The following MID1 variants were observed in gnomAD, a reference collection of about 807,000 sequenced individuals.
MID1 encodes E3 ubiquitin-protein ligase Midline-1.
MID1 carries 7 observed loss-of-function variants against 40.4 expected under a neutral mutation model. The observed-to-expected ratio is 0.17, with a 90% CI of 0.10 to 0.33. MID1 has a LOEUF of 0.33. Ranked by LOEUF, MID1 falls within the 10% of genes least tolerant of loss-of-function variation. The pLI, the probability that MID1 is intolerant of heterozygous loss-of-function variation, is 1.00. For synonymous variants in MID1, 229 were observed against 221.2 expected, an observed-to-expected ratio of 1.04 and a Z score of -0.31; for missense variants, 367 against 558.5, an observed-to-expected ratio of 0.66 and a Z score of 3.46.
intron 1 of MID1, among the ~76,000 whole-genome samples, chrX:10,696,208 C>T (rs769769213): frequency 5.4e-5 from 6 of 111,394 alleles, no homozygotes; most frequent in Non-Finnish European, 9.4e-5. Flanking sequence ...ATATGACCTT[C>T]GTCTAGGATC....
At chrX:10,536,177 A>G (rs1387826753) in intron 2 of MID1, among the ~76,000 whole-genome samples, 1 of 112,297 alleles carries the variant, frequency 8.9e-6, no homozygotes, top group Non-Finnish European at 1.9e-5. Flanking sequence ...GTGAGCCATG[A>G]TCGTGCCACT....
chrX:10,525,839 T>C (rs1932819865), intron 2 of MID1, among the ~76,000 whole-genome samples: 1 of 111,840 alleles, frequency 8.9e-6, no homozygotes, highest in Non-Finnish European at 1.9e-5. Flanking sequence ...TACAAGGCTC[T>C]TGCCACATGT....
chrX:10,572,129 T>G (rs199535263), intron 1 of MID1, among the ~76,000 whole-genome samples: 6 of 90,885 alleles, frequency 6.6e-5, no homozygotes, highest in Non-Finnish European at 4.4e-5. Context: ...CTCTCTCTCT[T>G]TCTCTCTCCC....
chrX:10,550,088 G>C (rs1933848983), intron 2 of MID1, among the ~76,000 whole-genome samples: 1 of 112,399 alleles, frequency 8.9e-6, no homozygotes, highest in Non-Finnish European at 1.9e-5. Context: ...CAGATTTAAT[G>C]AGTTAACTTT....
chrX:10,538,982 A>G (rs552325274), intron 2 of MID1, among the ~76,000 whole-genome samples: 2 of 112,381 alleles, frequency 1.8e-5, no homozygotes, highest in African/African-American at 6.5e-5. Context: ...GCCATAGTTC[A>G]CTGTATTATA....
At chrX:10,817,712 T>C (rs2044149511) in intron 1 of MID1, among the ~76,000 whole-genome samples, 1 of 105,832 alleles carries the variant, frequency 9.4e-6, no homozygotes, top group African/African-American at 3.5e-5. Flanking sequence ...CTCTGCCTCC[T>C]GGGTTAACGT....
intron 1 of MID1, among the ~76,000 whole-genome samples, chrX:10,766,428 C>T (rs1050731715): frequency 8.1e-5 from 9 of 111,605 alleles, no homozygotes; most frequent in African/African-American, 2.3e-4. Flanking sequence ...TCCAAGGATC[C>T]GGCTGATGTG....
intron 1 of MID1, among the ~76,000 whole-genome samples, chrX:10,683,936 C>T (rs1262374622): frequency 9.3e-6 from 1 of 107,333 alleles, no homozygotes; most frequent in African/African-American, 3.4e-5. Flanking sequence ...CATCTGGCTA[C>T]TTTTTCTATT....
chrX:10,514,771 C>T (rs1405817058), intron 3 of MID1, among the ~76,000 whole-genome samples: 5 of 111,709 alleles, frequency 4.5e-5, no homozygotes, highest in African/African-American at 1.6e-4. Flanking sequence ...TATAGTGGCT[C>T]GTCATAATCC....
At chrX:10,680,160 T>A (rs1023966043) in intron 1 of MID1, among the ~76,000 whole-genome samples, 1 of 112,249 alleles carries the variant, frequency 8.9e-6, no homozygotes, top group African/African-American at 3.2e-5. Flanking sequence ...CTGACAACAC[T>A]GATTCAGAGT....
chrX:10,721,079 A>G (rs1362038918), intron 1 of MID1, among the ~76,000 whole-genome samples: 1 of 109,654 alleles, frequency 9.1e-6, no homozygotes, highest in African/African-American at 3.3e-5. Flanking sequence ...GGATAGCATT[A>G]GGAGATATAC....
In MID1 at chrX:10,807,312, T is replaced by C. The variant is rs182975058; in HGVS notation, c.-187+26242A>G. On this transcript the variant is annotated intron_variant, in intron 1 of 10. Coordinates refer to the MID1 transcript ENST00000380785. ...TGACAAATAGCATATTGGTTTTCTGTTGCTGCACAACAAATTACAACAAAT... is the reference window on the plus strand; with the variant it reads ...TGACAAATAGCATATTGGTTTTCTGCTGCTGCACAACAAATTACAACAAAT... Among the ~76,000 whole-genome samples the C allele has an allele frequency of 2.4e-4, 27 of 112,224 alleles. No homozygotes were observed. The East Asian group carries it at 6.7e-3, about 28-fold the overall frequency.
chrX:10,778,779 T>A (rs1327662263), intron 1 of MID1, among the ~76,000 whole-genome samples: 1 of 113,285 alleles, frequency 8.8e-6, no homozygotes, highest in African/African-American at 3.2e-5. Flanking sequence ...AAACAGATTC[T>A]CCCCTAGAGC....
intron 1 of MID1, among the ~76,000 whole-genome samples, chrX:10,809,485 T>G (rs755661825): frequency 9.0e-6 from 1 of 111,644 alleles, no homozygotes; most frequent in Non-Finnish European, 1.9e-5. Context: ...ACACATATGT[T>G]TATTGCGGCA....
intron 1 of MID1, among the ~76,000 whole-genome samples, chrX:10,626,380 G>A (rs1432641806): frequency 2.8e-5 from 3 of 108,537 alleles, no homozygotes; most frequent in Admixed American, 9.9e-5. Flanking sequence ...CCAGGCTGGA[G>A]TGCAGTGGCT....
At chrX:10,667,781 C>T (rs971024023) in intron 1 of MID1, among the ~76,000 whole-genome samples, 5 of 111,315 alleles carry the variant, frequency 4.5e-5, no homozygotes, top group Admixed American at 3.8e-4. Context: ...TTAGTTGTAT[C>T]ACCCAAAGAA....
At chrX:10,496,365 T>C (rs950746763) in intron 3 of MID1, among the ~76,000 whole-genome samples, 1 of 112,269 alleles carries the variant, frequency 8.9e-6, no homozygotes, top group Admixed American at 9.4e-5. Flanking sequence ...TAGAGTGGCT[T>C]GTATTTGAAG....
chrX:10,630,387 C>T (rs1292216784), intron 1 of MID1, among the ~76,000 whole-genome samples: 2 of 110,719 alleles, frequency 1.8e-5, no homozygotes, highest in Non-Finnish European at 3.8e-5. Context: ...GCAGAGTTAC[C>T]CGGGCAGAGG....
chrX:10,584,992 G>A (rs953027639), intron 1 of MID1, among the ~76,000 whole-genome samples: 1 of 110,874 alleles, frequency 9.0e-6, no homozygotes, highest in Non-Finnish European at 1.9e-5. Context: ...AGCAAGCAGG[G>A]GGTACATGAC....
Sources: gnomAD v4.1 joint callset for allele counts (sites outside exome capture counted in the v4.1 genomes callset) on GRCh38, gnomAD v4.1.1 for gene constraint, MANE v1.5 for transcripts, NCBI Gene and HGNC (gene_info 2026-07-23, HGNC 2026-07-21) for gene names.